CNNM2: variants seen among roughly 807,000 people sequenced by gnomAD.
CNNM2 encodes cyclin and CBS domain divalent metal cation transport mediator 2, also known as metal transporter CNNM2.
In CNNM2, 12 loss-of-function variants were observed where a neutral mutation model predicts 66.9. That is an observed-to-expected ratio of 0.18 (90% CI 0.11 to 0.29). CNNM2 has a LOEUF of 0.29. Ranked by LOEUF, CNNM2 falls within the 10% of genes least tolerant of loss-of-function variation. The probability of loss-of-function intolerance (pLI) is 1.00; values close to 1 mark genes in which losing one functional copy is unlikely to be tolerated. For missense variants in CNNM2, 705 were observed against 1,167.7 expected (o/e 0.60, Z 5.77); for synonymous variants, 557 against 501.8 (o/e 1.11, Z -1.47).
intron 1 of CNNM2, among the ~76,000 whole-genome samples, chr10:103,043,718 A>T (rs1264392019): frequency 6.6e-6 from 1 of 152,240 alleles, no homozygotes; most frequent in Non-Finnish European, 1.5e-5. Context: ...CAGTGCAGAC[A>T]TGGTTTTTGT....
intron 1 of CNNM2, among the ~76,000 whole-genome samples, chr10:102,955,206 G>C (rs1000995998): frequency 6.6e-6 from 1 of 152,068 alleles, no homozygotes; most frequent in African/African-American, 2.4e-5. Context: ...CAGAACAGAG[G>C]CCTCAGAAAT....
At chr10:102,985,074 A>G (rs2063775406) in intron 1 of CNNM2, among the ~76,000 whole-genome samples, 1 of 152,198 alleles carries the variant, frequency 6.6e-6, no homozygotes, top group African/African-American at 2.4e-5. Context: ...TTCTAACATG[A>G]AAAGGAAATA....
rs112699822 is a variant in CNNM2 at position 102,932,876 on chromosome 10, C to A, written c.1621+12775C>A. ...AGGTTGCAATGAGCTGAGATTGCAC[C>A]ACTGCACTCCAGGCTGGGTGACAGA... On this transcript the variant is annotated intron_variant, in intron 1 of 7. Coordinates refer to ENST00000369878, the MANE Select transcript of CNNM2 (RefSeq NM_017649.5). Among the ~76,000 whole-genome samples the A allele has an allele frequency of 0.096, 14,115 of 147,264 alleles. 849 individuals are homozygous for A. Among genetic ancestry groups the A allele is most frequent in the East Asian group, 0.28 (1,394 of 4,998 alleles).
At position 102,918,709 on chromosome 10, in the gene CNNM2, C is replaced by T. The variant is rs1004081874; in HGVS notation, c.229C>T (p.Leu77=). Residue 77 remains leucine (L), a synonymous_variant, in exon 1 of 8, where the codon CTG becomes TTG. Transcript: ENST00000369878. This position sits in a 1 kb window ranked among gnomAD's most constrained non-coding sequence, Gnocchi z 4.1. ...GAATGAGGAGACGGTGATCATCGGG[C>T]TGCGACTGGAGGACACGAACGACGT... is the stretch of plus-strand genomic sequence containing the variant. ...GENEETVIIG[L]RLEDTNDVSF... is the part of the protein sequence containing the mutation. 1 of 1,565,808 alleles carries T rather than the reference C, an allele frequency of 6.4e-7. No homozygotes were observed. The highest frequency in any genetic ancestry group is 1.4e-5 in the African/African-American group (1 of 73,832).
chr10:102,995,337 C>T (rs1314163012), intron 1 of CNNM2, among the ~76,000 whole-genome samples: 3 of 149,540 alleles, frequency 2.0e-5, no homozygotes, highest in Non-Finnish European at 3.0e-5. Flanking sequence ...CTCAGCCTCC[C>T]AAGCAGCTGG....
chr10:103,057,458 C>G (rs1462021687), intron 4 of CNNM2, among the ~76,000 whole-genome samples: 1 of 150,762 alleles, frequency 6.6e-6, no homozygotes, highest in African/African-American at 2.4e-5. Flanking sequence ...AGAGCAAAAC[C>G]CTGTTTTAAA....
chr10:103,035,136 T>G (rs2064911813), intron 1 of CNNM2, among the ~76,000 whole-genome samples: 1 of 151,916 alleles, frequency 6.6e-6, no homozygotes, highest in Non-Finnish European at 1.5e-5. Flanking sequence ...AAAAAATAAC[T>G]CCTACTATTA....
intron 6 of CNNM2, among the ~76,000 whole-genome samples, chr10:103,074,398 A>G (rs113849311): frequency 2.3e-3 from 343 of 152,372 alleles, no homozygotes; most frequent in African/African-American, 7.7e-3. Flanking sequence ...TCTGCTAAAT[A>G]TAAGTCTGAT....
At chr10:103,010,131 T>C (rs2064312450) in intron 1 of CNNM2, among the ~76,000 whole-genome samples, 1 of 152,202 alleles carries the variant, frequency 6.6e-6, no homozygotes, top group Admixed American at 6.5e-5. Flanking sequence ...CATATTTGAT[T>C]TAGAACAATT....
Position 102,918,891 on chromosome 10 carries a change from C to T in CNNM2, c.411C>T (p.Gly137=). Reference sequence around the variant, plus strand: ...GCCCGGGGGAGCGCGGGCTGGGGGGCCCCGCGCCGCCAGAGCCGGACAGCG... The same window carrying T: ...GCCCGGGGGAGCGCGGGCTGGGGGGTCCCGCGCCGCCAGAGCCGGACAGCG... ...RHSPGERGLG[G]PAPPEPDSGP... The change falls in exon 1 of 8, where the codon GGC becomes GGT. Residue 137 remains glycine (G), a synonymous_variant. Coordinates refer to ENST00000369878, the MANE Select transcript of CNNM2 (RefSeq NM_017649.5). The surrounding 1 kb of genome is among the most constrained non-coding windows in gnomAD (Gnocchi z 4.1). 1 of 1,609,486 alleles carries T rather than the reference C, an allele frequency of 6.2e-7. No individual in the cohort carries two copies. Among genetic ancestry groups the T allele is most frequent in the Non-Finnish European group, 8.5e-7 (1 of 1,178,044 alleles).
intron 1 of CNNM2, among the ~76,000 whole-genome samples, chr10:102,986,761 C>A (rs1279613942): frequency 1.6e-5 from 2 of 124,688 alleles, no homozygotes; most frequent in African/African-American, 6.4e-5. Flanking sequence ...GCCGGGGTGA[C>A]AGTGCAAGAC....
chr10:103,069,529 C>T (rs562301630), intron 5 of CNNM2, among the ~76,000 whole-genome samples: 49 of 152,324 alleles, frequency 3.2e-4, no homozygotes, highest in East Asian at 7.7e-4. Flanking sequence ...TTGCTATATA[C>T]TGACTGCCTG....
Position 103,077,336 on chromosome 10 carries a change from G to A in CNNM2, c.*156G>A. On this transcript the variant is annotated 3_prime_UTR_variant, in exon 8 of 8. Coordinates refer to ENST00000369878, the MANE Select transcript of CNNM2 (RefSeq NM_017649.5). The stretch of plus-strand genomic sequence containing the variant: ...TTGTGCCCTTCCCAGGAGCCGCGGA[G>A]GAGGACAGTGAGGGAGGAATGGAAA... The A allele has an allele frequency of 1.6e-6, 1 of 643,790 alleles. No individual in the cohort carries two copies. Among genetic ancestry groups the A allele is most frequent in the Non-Finnish European group, 2.6e-6 (1 of 380,710 alleles). The allele number at this position is 643,790 out of a possible 1,614,324, so 39.9% of individuals were successfully genotyped here.
At chr10:102,985,424 T>A (rs1480494763) in intron 1 of CNNM2, among the ~76,000 whole-genome samples, 1 of 152,170 alleles carries the variant, frequency 6.6e-6, no homozygotes, top group Non-Finnish European at 1.5e-5. Context: ...CATTGAGAAC[T>A]CTGAAAGCTT....
Position 102,918,620 on chromosome 10 carries a change from G to T in CNNM2, c.140G>T (p.Arg47Leu). ...GRGILQAAAGRLLPLLLLSCC... is the reference protein window; with the variant it reads ...GRGILQAAAGLLLPLLLLSCC... ...GGGATCCTGCAGGCGGCTGCGGGGC[G>T]GCTGCTGCCGCTGCTCCTGCTGAGC... is the stretch of plus-strand genomic sequence containing the variant. Residue 47 changes from arginine to leucine, a missense_variant, in exon 1 of 8, where the codon CGG (arginine) becomes CTG (leucine). Transcript: ENST00000369878. The surrounding 1 kb of genome is among the most constrained non-coding windows in gnomAD (Gnocchi z 4.1). 1.9e-6 allele frequency: 3 copies of T among 1,544,766 alleles called. No individual in the cohort carries two copies. The highest frequency in any genetic ancestry group is 2.4e-5 in the South Asian group (2 of 83,696).
intron 1 of CNNM2, among the ~76,000 whole-genome samples, chr10:102,946,487 A>G (rs1846621975): frequency 2.0e-5 from 3 of 152,148 alleles, no homozygotes; most frequent in Non-Finnish European, 4.4e-5. Flanking sequence ...ATTGACAGAA[A>G]AGTCTCTCAC....
At chr10:102,976,246 G>A (rs1256859989) in intron 1 of CNNM2, among the ~76,000 whole-genome samples, 1 of 152,082 alleles carries the variant, frequency 6.6e-6, no homozygotes, top group African/African-American at 2.4e-5. Context: ...AAAGCAAAGT[G>A]AATAACATTT....
rs973789210 is a variant in CNNM2, at chr10:103,009,290, A to G, written c.1622-40417A>G. On this transcript the variant is annotated intron_variant, in intron 1 of 7. Transcript: ENST00000369878. ...AACTCCGTCTCAAAAAAAACGGAAA[A>G]CACAACTAACTTATACAAATTATTC... Among the ~76,000 whole-genome samples the G allele has an allele frequency of 3.3e-5, 5 of 152,144 alleles. No individual in the cohort carries two copies. In the East Asian group the frequency reaches 7.7e-4, roughly 23 times the overall value.
intron 6 of CNNM2, among the ~76,000 whole-genome samples, chr10:103,075,832 G>A (rs943565001): frequency 2.0e-5 from 3 of 152,142 alleles, no homozygotes; most frequent in African/African-American, 4.8e-5. Context: ...GGTTTTTGCT[G>A]TTAGAGACTT....
Sources: allele counts gnomAD v4.1 joint callset (sites outside exome capture counted in the v4.1 genomes callset), GRCh38; gene constraint gnomAD v4.1.1; non-coding constraint Gnocchi (gnomAD v3.1); transcripts MANE v1.5; gene names NCBI Gene and HGNC (gene_info 2026-07-23, HGNC 2026-07-21).